Variants in PIAS4 observed in about 807,000 individuals in gnomAD.
PIAS4 encodes protein inhibitor of activated STAT 4, also known as E3 SUMO-protein ligase PIAS4.
A neutral mutation model predicts 58.0 loss-of-function variants in PIAS4; 7 were observed. The ratio of observed to expected loss-of-function variants is 0.12; its 90% CI spans 0.07 to 0.23. The LOEUF is 0.23. PIAS4 is among the 10% of genes least tolerant of loss of function. The probability of loss-of-function intolerance (pLI) is 1.00; values close to 1 mark genes in which losing one functional copy is unlikely to be tolerated. For missense variants in PIAS4, 550 were observed against 709.5 expected (o/e 0.78, Z 2.55); for synonymous variants, 364 against 312.4 (o/e 1.17, Z -1.74).
intron 9 of PIAS4, among the ~76,000 whole-genome samples, chr19:4,036,324 A>G (rs1283228821): frequency 3.9e-5 from 3 of 76,734 alleles, no homozygotes; most frequent in Admixed American, 2.8e-4. Context: ...CACCTGTTAC[A>G]TGCACACATC....
At chr19:4,010,961 C>A (rs375162169) in intron 1 of PIAS4, among the ~76,000 whole-genome samples, 1 of 152,222 alleles carries the variant, frequency 6.6e-6, no homozygotes, top group African/African-American at 2.4e-5. Context: ...GACCCTGGCC[C>A]GATACAGCTG....
chr19:4,013,839 C>T lies in PIAS4; in HGVS notation c.454+490C>T, dbSNP rs564189435. 2.0e-5 allele frequency among the ~76,000 whole-genome samples: 3 copies of T among 152,134 alleles called. No homozygotes were observed. The highest frequency in any genetic ancestry group is 4.8e-5 in the African/African-American group (2 of 41,444). ...TGGTGGCTCCCTCACCCTAGGGTAG[C>T]GAGTGTGCACCTCCAAGCTGGGAGC... On this transcript the variant is annotated intron_variant, in intron 2 of 10. Coordinates refer to ENST00000262971, the MANE Select transcript of PIAS4 (RefSeq NM_015897.4). The surrounding 1 kb of genome is among the most constrained non-coding windows in gnomAD (Gnocchi z 5.1).
chr19:4,032,771 G>A (rs1238713325), intron 7 of PIAS4, among the ~76,000 whole-genome samples: 1 of 152,220 alleles, frequency 6.6e-6, no homozygotes, highest in Non-Finnish European at 1.5e-5. Flanking sequence ...TCACAGCAAT[G>A]ACTCTTTCGG....
Position 4,036,326 on chromosome 19 carries a change from GCACACATCTATACAGTCCACACCGT to G in PIAS4, c.1143-1020_1143-996del, listed in dbSNP as rs1168979961. Among the ~76,000 whole-genome samples, 21 of 53,944 alleles carry G rather than the reference GCACACATCTATACAGTCCACACCGT, an allele frequency of 3.9e-4. 1 individual carries two copies. The highest frequency in any genetic ancestry group is 9.7e-4 in the African/African-American group (15 of 15,478). The allele number at this position is 53,944 out of a possible 152,430, so 35.4% of individuals were successfully genotyped here. ...TCTATACAGTCCACACCTGTTACATGCACACATCTATACAGTCCACACCGTCACACATCTATACAGTCCACACCGT... is the reference window on the plus strand; with the variant it reads ...TCTATACAGTCCACACCTGTTACATGCACACATCTATACAGTCCACACCGT... On this transcript the variant is annotated intron_variant, in intron 9 of 10. Coordinates refer to ENST00000262971, the MANE Select transcript of PIAS4 (RefSeq NM_015897.4).
intron 2 of PIAS4, among the ~76,000 whole-genome samples, chr19:4,019,148 A>T (rs957388102): frequency 6.6e-6 from 1 of 152,174 alleles, no homozygotes; most frequent in Non-Finnish European, 1.5e-5. Context: ...CGGGGGCTTC[A>T]TGGATGCCAC....
chr19:4,038,054 A>G lies in PIAS4; in HGVS notation c.*179A>G. 1.8e-6 allele frequency: 1 copy of G among 564,416 alleles called. No homozygotes were observed. Among genetic ancestry groups the G allele is most frequent in the Non-Finnish European group, 3.0e-6 (1 of 336,504 alleles). 35.0% of individuals were successfully genotyped at this position (564,416 alleles called of 1,614,324 possible). On this transcript the variant is annotated 3_prime_UTR_variant, in exon 11 of 11. Transcript: ENST00000262971. This position sits in a 1 kb window ranked among gnomAD's most constrained non-coding sequence, Gnocchi z 4.1. ...TGGACTCTCCTATCGGGGGATTAAA[A>G]AAAAAAGTAAAATGACAAAAAAAGA...
Position 4,037,850 on chromosome 19 carries a change from A to G in PIAS4, c.1508A>G (p.Gln503Arg). Residue 503 changes from glutamine (Q) to arginine (R), a missense_variant, in exon 11 of 11, where the codon CAG becomes CGG. Physicochemically the swap from Gln to Arg is conservative, Grantham distance 43. Coordinates refer to ENST00000262971, the MANE Select transcript of PIAS4 (RefSeq NM_015897.4). The surrounding 1 kb of genome is among the most constrained non-coding windows in gnomAD (Gnocchi z 5.8). ...CGGCCCAAGCGCCGCTGCCCCTTCC[A>G]GAAGGGCCTGGTGCCGGCCTGCTGA... is the stretch of plus-strand genomic sequence containing the variant. The part of the protein sequence containing the change: ...GPRPKRRCPF[Q>R]KGLVPAC 6.4e-7 allele frequency: 1 copy of G among 1,567,556 alleles called. No individual in the cohort carries two copies. The highest frequency in any genetic ancestry group is 8.6e-7 in the Non-Finnish European group (1 of 1,158,944).
intron 2 of PIAS4, among the ~76,000 whole-genome samples, 197 bp from the exon 3 acceptor site, chr19:4,023,839 G>C (rs924657297): frequency 6.6e-6 from 1 of 152,212 alleles, no homozygotes; most frequent in African/African-American, 2.4e-5. Context: ...CATGGTGAGC[G>C]GCCCCGAGAA....
intron 2 of PIAS4, among the ~76,000 whole-genome samples, chr19:4,016,365 A>G (rs1003707451): frequency 2.6e-5 from 4 of 152,210 alleles, no homozygotes; most frequent in Admixed American, 6.5e-5. Context: ...AGCCCCTGTC[A>G]CCACGACTCC....
At chr19:4,027,801 T>G (rs1252563893) in intron 3 of PIAS4, among the ~76,000 whole-genome samples, 1 of 152,126 alleles carries the variant, frequency 6.6e-6, no homozygotes, top group Non-Finnish European at 1.5e-5. Flanking sequence ...CCGCCAGCCT[T>G]GACCTCCCAA....
chr19:4,036,374 C>T (rs563804814), intron 9 of PIAS4, among the ~76,000 whole-genome samples: 1,843 of 124,038 alleles, frequency 0.015, 192 homozygotes, highest in African/African-American at 0.023. Context: ...CAGTCCACAC[C>T]GTCATACACA....
At position 4,028,019 on chromosome 19, in the gene PIAS4, TCA is replaced by T. The variant is rs111771551; in HGVS notation, c.540-126_540-125del. 5.3e-5 allele frequency: 49 copies of T among 918,560 alleles called. No individual in the cohort carries two copies. In the African/African-American group the frequency reaches 7.3e-4, roughly 14 times the overall value. The allele number at this position is 918,560 out of a possible 1,614,324, so 56.9% of individuals were successfully genotyped here. ...AGCCCGTACAAAAGAGTCCTGGGCC[TCA>T]GTTTCCCAGCTCTGGGGGAGGGAGC... is the stretch of plus-strand genomic sequence containing the variant. On this transcript the variant is annotated intron_variant, in intron 3 of 10. Transcript: ENST00000262971.
intron 4 of PIAS4, 72 bp from the exon 5 acceptor site, chr19:4,028,438 G>T (rs529401627): frequency 4.4e-6 from 5 of 1,143,472 alleles, no homozygotes; most frequent in African/African-American, 1.6e-5. Flanking sequence ...GCTACCACTC[G>T]TGTACCCCCG....
At chr19:4,031,786 C>A (rs2040225353) in intron 7 of PIAS4, among the ~76,000 whole-genome samples, 1 of 152,226 alleles carries the variant, frequency 6.6e-6, no homozygotes, top group South Asian at 2.1e-4. Context: ...GAAGTCCTCA[C>A]CTTTGCCTCA....
intron 2 of PIAS4, among the ~76,000 whole-genome samples, chr19:4,018,008 C>T (rs964208075): frequency 4.6e-5 from 7 of 152,150 alleles, no homozygotes; most frequent in African/African-American, 7.2e-5. Flanking sequence ...GACGGGGTTT[C>T]GTCATGTTGA....
Position 4,037,122 on chromosome 19 carries a change from G to A in PIAS4, c.1143-252G>A, listed in dbSNP as rs952352992. Among the ~76,000 whole-genome samples, 6 of 152,250 alleles carry A rather than the reference G, an allele frequency of 3.9e-5. No homozygotes were observed. Among genetic ancestry groups the A allele is most frequent in the Non-Finnish European group, 7.3e-5 (5 of 68,032 alleles). ...TCTTGTGGGTAGTTGGGGGCCACTG[G>A]GTATGTGTGTCCATGCCCCGTCCCC... On this transcript the variant is annotated intron_variant, in intron 9 of 10. Coordinates refer to ENST00000262971, the MANE Select transcript of PIAS4 (RefSeq NM_015897.4). This position sits in a 1 kb window ranked among gnomAD's most constrained non-coding sequence, Gnocchi z 5.8.
chr19:4,012,377 T>C (rs2040004695), intron 1 of PIAS4, among the ~76,000 whole-genome samples: 1 of 152,070 alleles, frequency 6.6e-6, no homozygotes, highest in Non-Finnish European at 1.5e-5. Flanking sequence ...CAGAGTTAAA[T>C]ATATAATCAC....
intron 9 of PIAS4, among the ~76,000 whole-genome samples, chr19:4,034,082 T>G (rs1313906832): frequency 6.6e-6 from 1 of 152,180 alleles, no homozygotes; most frequent in Non-Finnish European, 1.5e-5. Context: ...GGACAAGACC[T>G]TTCTCCCTGG....
rs1387217880 is a variant in PIAS4, at chr19:4,013,986, G to C, written c.454+637G>C. ...ACCAGGCTGTGACTGCCAGGGCCAG[G>C]GGTGACCAGGGCCACCTGGGAGCCT... On this transcript the variant is annotated intron_variant, in intron 2 of 10. Coordinates refer to ENST00000262971, the MANE Select transcript of PIAS4 (RefSeq NM_015897.4). This position sits in a 1 kb window ranked among gnomAD's most constrained non-coding sequence, Gnocchi z 5.1. 2.0e-5 allele frequency among the ~76,000 whole-genome samples: 3 copies of C among 152,188 alleles called. No individual in the cohort carries two copies. The highest frequency in any genetic ancestry group is 4.1e-4 in the South Asian group (2 of 4,834).
Sources: allele counts gnomAD v4.1 joint callset (sites outside exome capture counted in the v4.1 genomes callset), GRCh38; gene constraint gnomAD v4.1.1; non-coding constraint Gnocchi (gnomAD v3.1); transcripts MANE v1.5; gene names NCBI Gene and HGNC (gene_info 2026-07-23, HGNC 2026-07-21).